TBX1: variants seen among roughly 807,000 people sequenced by gnomAD.
The protein encoded by TBX1 is T-box transcription factor TBX1.
In TBX1, 16 loss-of-function variants were observed where a neutral mutation model predicts 40.8. That is an observed-to-expected ratio of 0.39 (90% CI 0.27 to 0.60). The LOEUF (loss-of-function observed/expected upper bound fraction) is 0.60. Ranked by LOEUF, TBX1 falls within the 20% of genes least tolerant of loss-of-function variation. The pLI, the probability that TBX1 is intolerant of heterozygous loss-of-function variation, is 0.51. For missense variants in TBX1, 755 were observed against 728.5 expected, an observed-to-expected ratio of 1.04 and a Z score of -0.42; for synonymous variants, 403 against 336.8, an observed-to-expected ratio of 1.20 and a Z score of -2.15.
chr22:19,766,400 G>A lies in TBX1; in HGVS notation c.1048G>A (p.Ala350Thr). 1.5e-6 allele frequency: 2 copies of A among 1,341,176 alleles called. No individual in the cohort carries two copies. The highest frequency in any genetic ancestry group is 5.6e-4 in the Middle Eastern group (2 of 3,582). The allele number at this position is 1,341,176 out of a possible 1,614,324, so 83.1% of individuals were successfully genotyped here. A position where few individuals can be genotyped will look rare whatever the true frequency, so the allele number is the denominator to read the frequency against. Residue 350 changes from alanine to threonine, a missense_variant, in exon 7 of 7, where the codon GCC (alanine) becomes ACC (threonine). Physicochemically the swap from Ala to Thr is moderately conservative, Grantham distance 58. Transcript: ENST00000649276. ...GGCCCTCTCCGCAGACGCGGCTGAG[G>A]CCCGGCGAGAATTCCAGCGCGACGC... ...PSGTEKDAAE[A>T]RREFQRDAGG...
upstream of TBX1, among the ~76,000 whole-genome samples, chr22:19,758,472 G>A (rs909200058): frequency 3.9e-5 from 6 of 152,356 alleles, no homozygotes; most frequent in South Asian, 1.0e-3. Flanking sequence ...AGGCCTTGGC[G>A]TCTGGGATGC....
upstream of TBX1, among the ~76,000 whole-genome samples, chr22:19,760,728 C>G (rs1244855357): frequency 8.6e-6 from 1 of 116,734 alleles, no homozygotes; most frequent in African/African-American, 3.2e-5. Flanking sequence ...CGGGGCCGGC[C>G]TGCGGTGTGG....
chr22:19,758,518 G>T (rs1052350371), upstream of TBX1, among the ~76,000 whole-genome samples: 11 of 152,324 alleles, frequency 7.2e-5, no homozygotes, highest in African/African-American at 1.4e-4. Context: ...GCGGGCCTCG[G>T]CCTCACTCTG....
chr22:19,763,135 C>A, intron 1 of TBX1, 106 bp from the exon 2 acceptor site: 1 of 870,026 alleles, frequency 1.1e-6, no homozygotes, highest in South Asian at 1.4e-5. Flanking sequence ...ACAGCAGCCC[C>A]CAGAGGCTGG....
chr22:19,777,236 G>T (rs1395693839), intron 8 of TBX1, among the ~76,000 whole-genome samples: 19 of 151,534 alleles, frequency 1.3e-4, no homozygotes, highest in Admixed American at 1.2e-3. Flanking sequence ...ACAGTCCCCG[G>T]AGTGTGATGT....
At chr22:19,779,325 G>A (rs1262058141) in exon 9 of TBX1, 3 of 1,614,102 alleles carry the variant, frequency 1.9e-6, no homozygotes, top group Non-Finnish European at 2.5e-6. Flanking sequence ...GTGAACCTGG[G>A]GCTCCCCTGC....
chr22:19,766,636 G>T lies in TBX1; in HGVS notation c.1284G>T (p.Pro428=). The change falls in exon 7 of 7, where the codon CCG becomes CCT. Residue 428 remains proline (P), a synonymous_variant. Coordinates refer to ENST00000649276, the MANE Select transcript of TBX1 (RefSeq NM_001379200.1). The stretch of plus-strand genomic sequence containing the variant: ...TGCACCACCACCCCTACAAATATCC[G>T]GCCGCCGCCTACGACCACTATCTCG... ...EPLHHHPYKY[P]AAAYDHYLGA... 6.5e-7 allele frequency: 1 copy of T among 1,549,338 alleles called. No individual in the cohort carries two copies. The highest frequency in any genetic ancestry group is 2.6e-5 in the East Asian group (1 of 39,102).
chr22:19,776,995 C>T (rs1259243321), intron 8 of TBX1, among the ~76,000 whole-genome samples: 2 of 152,090 alleles, frequency 1.3e-5, no homozygotes, highest in African/African-American at 4.8e-5. Flanking sequence ...GGGTAACGCT[C>T]AATCCCATAC....
chr22:19,762,107 G>A (rs903568431), intron 1 of TBX1, among the ~76,000 whole-genome samples: 3 of 152,214 alleles, frequency 2.0e-5, no homozygotes, highest in East Asian at 3.9e-4. Context: ...GAGGAACCTG[G>A]GCCTGTGCTC....
upstream of TBX1, chr22:19,759,364 GCCAGGGGCCC>G (rs1260505593): frequency 2.1e-6 from 1 of 487,726 alleles, no homozygotes; most frequent in Non-Finnish European, 2.7e-6. Context: ...AATCCTCTGG[GCCAGGGGCCC>G]CTGGCAGTGA....
In TBX1 at chr22:19,765,002, G is replaced by A; in HGVS notation, c.756G>A (p.Val252=). The change falls in exon 4 of 7, where the codon GTG becomes GTA. Residue 252 remains valine (V), a synonymous_variant. Coordinates refer to ENST00000649276, the MANE Select transcript of TBX1 (RefSeq NM_001379200.1). Reference sequence around the variant, plus strand: ...ACAGATACCAGCCCCGCTTCCACGTGGTCTATGTGGACCCACGCAAAGATA... The same window carrying A: ...ACAGATACCAGCCCCGCTTCCACGTAGTCTATGTGGACCCACGCAAAGATA... ...SMHRYQPRFH[V]VYVDPRKDSE... is the part of the protein sequence containing the mutation. 1 of 1,614,158 alleles carries A rather than the reference G, an allele frequency of 6.2e-7. No homozygotes were observed. Among genetic ancestry groups the A allele is most frequent in the Non-Finnish European group, 8.5e-7 (1 of 1,180,020 alleles).
In TBX1 at chr22:19,767,292, C is replaced by T. The variant is rs1159385183; in HGVS notation, c.*425C>T. 1.8e-5 allele frequency: 18 copies of T among 995,012 alleles called. No homozygotes were observed. The highest frequency in any genetic ancestry group is 2.0e-5 in the Non-Finnish European group (17 of 836,522). The allele number at this position is 995,012 out of a possible 1,614,324, so 61.6% of individuals were successfully genotyped here. On this transcript the variant is annotated 3_prime_UTR_variant, in exon 7 of 7. Coordinates refer to ENST00000649276, the MANE Select transcript of TBX1 (RefSeq NM_001379200.1). The stretch of plus-strand genomic sequence containing the variant: ...TAGATACTGTAGATACTGTAGATAC[C>T]GCCCCGGCGCCGACTTGATAAACGG...
chr22:19,762,285 C>CA (rs1936694412), intron 1 of TBX1, among the ~76,000 whole-genome samples: 1 of 152,256 alleles, frequency 6.6e-6, no homozygotes, highest in African/African-American at 2.4e-5. Flanking sequence ...CTCCAGCCTG[C>CA]AGAGGCTTCG....
downstream of TBX1, among the ~76,000 whole-genome samples, chr22:19,782,629 A>G (rs930212864): frequency 2.6e-5 from 4 of 152,110 alleles, no homozygotes; most frequent in African/African-American, 9.7e-5. Flanking sequence ...TCAGTGTCTT[A>G]TCACACCCGC....
chr22:19,762,850 C>T (rs1410817556), intron 1 of TBX1, among the ~76,000 whole-genome samples: 1 of 152,186 alleles, frequency 6.6e-6, no homozygotes, highest in Non-Finnish European at 1.5e-5. Flanking sequence ...GGAGCTGCTT[C>T]GATCAAGCTG....
chr22:19,757,247 C>A (rs888136350), upstream of TBX1, among the ~76,000 whole-genome samples: 1 of 152,184 alleles, frequency 6.6e-6, no homozygotes, highest in Non-Finnish European at 1.5e-5. Flanking sequence ...CTGACGGCCT[C>A]TTCTCTGCTG....
downstream of TBX1, among the ~76,000 whole-genome samples, chr22:19,780,821 C>T (rs369346131): frequency 3.8e-4 from 52 of 136,368 alleles, no homozygotes; most frequent in African/African-American, 1.4e-3. Context: ...CTCGCTCCGT[C>T]GCCCAGGCTG....
At chr22:19,764,104 G>A (rs1161254058) in intron 2 of TBX1, 51 bp from the exon 3 acceptor site, 2 of 1,606,212 alleles carry the variant, frequency 1.2e-6, no homozygotes, top group Non-Finnish European at 1.7e-6. Context: ...CACGGGTCAA[G>A]GCCCTCTGGG....
downstream of TBX1, chr22:19,782,846 A>C: frequency 3.1e-6 from 5 of 1,613,460 alleles, no homozygotes; most frequent in Non-Finnish European, 4.2e-6. Context: ...TATTTGATAA[A>C]GGCCACAAAC....
Sources: gnomAD v4.1 joint callset for allele counts (sites outside exome capture counted in the v4.1 genomes callset) on GRCh38, gnomAD v4.1.1 for gene constraint, MANE v1.5 for transcripts, NCBI Gene and HGNC (gene_info 2026-07-23, HGNC 2026-07-21) for gene names.